Variants in EFCAB11 observed in about 807,000 individuals in gnomAD.
EFCAB11 encodes EF-hand calcium binding domain 11.
Under a neutral mutation model 23.0 loss-of-function variants are expected in EFCAB11, and 14 were observed. The ratio of observed to expected loss-of-function variants is 0.61; its 90% CI spans 0.40 to 0.95. EFCAB11 has a LOEUF of 0.95. EFCAB11 is among the 40% of genes least tolerant of loss of function. The pLI, the probability that EFCAB11 is intolerant of heterozygous loss-of-function variation, is 0.00. For synonymous variants in EFCAB11, 65 were observed against 66.6 expected (o/e 0.98, Z 0.11); for missense variants, 198 against 195.8 (o/e 1.01, Z -0.07).
rs1022878643 is a variant in EFCAB11, at chr14:89,801,577, A to G, written c.411-4253T>C. Among the ~76,000 whole-genome samples, 4 of 152,238 alleles carry G rather than the reference A, an allele frequency of 2.6e-5. No individual in the cohort carries two copies. In the East Asian group the frequency reaches 7.7e-4, roughly 29 times the overall value. On this transcript the variant is annotated intron_variant, in intron 5 of 5. Transcript: ENST00000316738. ...GGCAATACTCTATGGACTTCAAAGT[A>G]CAGGAAGACCTCAGATGACACAGGA... is the stretch of plus-strand genomic sequence containing the variant.
intron 5 of EFCAB11, among the ~76,000 whole-genome samples, chr14:89,892,768 G>T (rs1889016477): frequency 6.6e-6 from 1 of 152,076 alleles, no homozygotes; most frequent in South Asian, 2.1e-4. Context: ...CAGGCGTGGT[G>T]GTGCATGCCT....
At chr14:89,839,793 G>T in intron 5 of EFCAB11, among the ~76,000 whole-genome samples, 1 of 149,910 alleles carries the variant, frequency 6.7e-6, no homozygotes, top group South Asian at 2.2e-4. Context: ...GGAGCAGGGG[G>T]AAGAGAGAGG....
intron 5 of EFCAB11, among the ~76,000 whole-genome samples, chr14:89,821,301 C>T (rs1263877348): frequency 2.6e-5 from 4 of 152,256 alleles, no homozygotes; most frequent in East Asian, 1.9e-4. Context: ...CTCAAGACTG[C>T]GGTAACAACT....
chr14:89,866,934 C>G (rs1320331522), intron 5 of EFCAB11, among the ~76,000 whole-genome samples: 2 of 152,192 alleles, frequency 1.3e-5, no homozygotes, highest in African/African-American at 4.8e-5. Flanking sequence ...CCAAACCCAG[C>G]TAATTTTTGT....
Position 89,797,190 on chromosome 14 carries a change from T to C in EFCAB11, c.*53A>G. The C allele has an allele frequency of 6.7e-7, 1 of 1,501,248 alleles. No homozygotes were observed. Among genetic ancestry groups the C allele is most frequent in the Non-Finnish European group, 9.2e-7 (1 of 1,086,034 alleles). The allele number at this position is 1,501,248 out of a possible 1,614,324, so 93.0% of individuals were successfully genotyped here. ...ACATCATTAGTAGAGTCGAGTCTGC[T>C]GACATTACAATCTATTGATCTCCCC... On this transcript the variant is annotated 3_prime_UTR_variant, in exon 6 of 6. Coordinates refer to ENST00000316738, the MANE Select transcript of EFCAB11 (RefSeq NM_145231.4).
At chr14:89,909,711 C>G (rs958778480) in intron 5 of EFCAB11, among the ~76,000 whole-genome samples, 2 of 152,192 alleles carry the variant, frequency 1.3e-5, no homozygotes, top group Non-Finnish European at 2.9e-5. Context: ...TCTCTCCAGT[C>G]TCATCACTCT....
At position 89,898,222 on chromosome 14, in the gene EFCAB11, G is replaced by A. The variant is rs186173220; in HGVS notation, c.410+33319C>T. Among the ~76,000 whole-genome samples the A allele has an allele frequency of 2.1e-3, 319 of 152,156 alleles. 1 individual carries two copies. Among genetic ancestry groups the A allele is most frequent in the African/African-American group, 7.3e-3 (302 of 41,494 alleles). On this transcript the variant is annotated intron_variant, in intron 5 of 5. Coordinates refer to ENST00000316738, the MANE Select transcript of EFCAB11 (RefSeq NM_145231.4). Reference sequence around the variant, plus strand: ...GGCCTTGCATGGGTCATTTATCCTCGCATGTGTAAAATAAGAGACTGTACC... The same window carrying A: ...GGCCTTGCATGGGTCATTTATCCTCACATGTGTAAAATAAGAGACTGTACC...
rs1890430628 is a variant in EFCAB11 at position 89,932,599 on chromosome 14, A to G, written c.246T>C (p.Ile82=). The G allele has an allele frequency of 2.5e-6, 4 of 1,613,814 alleles. No homozygotes were observed. Among genetic ancestry groups the G allele is most frequent in the Non-Finnish European group, 3.4e-6 (4 of 1,179,898 alleles). ...GTTGAGCTTCCTTCTTTTTCCTGAC[A>G]ATATTTAAAAACCCCTCGAGTAATA... ...SGILLEGFLN[I]VRKKKEAQRY... is the part of the protein sequence containing the mutation. The change falls in exon 4 of 6, where the codon ATT becomes ATC. Residue 82 remains isoleucine (I), a synonymous_variant. Transcript: ENST00000316738.
intron 3 of EFCAB11, among the ~76,000 whole-genome samples, chr14:89,940,215 A>C (rs1381690509): frequency 6.6e-6 from 1 of 152,230 alleles, no homozygotes; most frequent in South Asian, 2.1e-4. Flanking sequence ...AAAATAAGGT[A>C]ACCTTAATGT....
intron 5 of EFCAB11, among the ~76,000 whole-genome samples, chr14:89,808,008 A>G (rs927773919): frequency 2.0e-5 from 3 of 152,184 alleles, no homozygotes; most frequent in African/African-American, 7.2e-5. Flanking sequence ...ATAGGTTGGC[A>G]GGAAAAGAAG....
intron 5 of EFCAB11, among the ~76,000 whole-genome samples, chr14:89,918,984 T>C (rs1889937182): frequency 6.6e-6 from 1 of 150,868 alleles, no homozygotes; most frequent in Non-Finnish European, 1.5e-5. Context: ...CATTCTGGAA[T>C]GACACAGGAC....
rs538271340 is a variant in EFCAB11, at chr14:89,947,421, T to G, written c.217+2676A>C. On this transcript the variant is annotated intron_variant, in intron 3 of 5. Transcript: ENST00000316738. Reference sequence around the variant, plus strand: ...AACAAGAAGAAGCAAACAAAACATCTCTTGATCTATTGCCACTCTGGACTT... The same window carrying G: ...AACAAGAAGAAGCAAACAAAACATCGCTTGATCTATTGCCACTCTGGACTT... 1.4e-4 allele frequency among the ~76,000 whole-genome samples: 21 copies of G among 152,194 alleles called. No individual in the cohort carries two copies. The South Asian group carries it at 4.2e-3, about 30-fold the overall frequency.
At chr14:89,937,444 T>C (rs752371629) in intron 3 of EFCAB11, among the ~76,000 whole-genome samples, 30 of 152,284 alleles carry the variant, frequency 2.0e-4, no homozygotes, top group Non-Finnish European at 3.5e-4. Context: ...TGCAAGTCCA[T>C]GCATTTTTTT....
chr14:89,882,809 C>A (rs1035444539), intron 5 of EFCAB11, among the ~76,000 whole-genome samples: 1 of 152,172 alleles, frequency 6.6e-6, no homozygotes, highest in Non-Finnish European at 1.5e-5. Flanking sequence ...TCCCCTCAGA[C>A]CTCCAGCTGA....
intron 5 of EFCAB11, chr14:89,836,618 T>A: frequency 2.2e-6 from 1 of 456,674 alleles, no homozygotes; most frequent in South Asian, 1.5e-5. Context: ...AATTGATGAA[T>A]CCCAAATAAA....
chr14:89,837,042 G>A (rs1269256537), intron 5 of EFCAB11: 1 of 456,312 alleles, frequency 2.2e-6, no homozygotes, highest in Non-Finnish European at 4.4e-6. Context: ...ACAGGTGAGG[G>A]GTGTGCCTGA....
intron 5 of EFCAB11, among the ~76,000 whole-genome samples, chr14:89,868,165 G>A (rs899748843): frequency 7.2e-5 from 11 of 152,158 alleles, no homozygotes; most frequent in Admixed American, 6.5e-4. Flanking sequence ...CCCACAATAG[G>A]CATGCAATAA....
At chr14:89,811,649 A>T (rs905505506) in intron 5 of EFCAB11, among the ~76,000 whole-genome samples, 2 of 152,152 alleles carry the variant, frequency 1.3e-5, no homozygotes, top group Non-Finnish European at 2.9e-5. Context: ...GATGGAGAAA[A>T]AGCCATGAAC....
At chr14:89,887,252 G>A (rs1254721732) in intron 5 of EFCAB11, among the ~76,000 whole-genome samples, 1 of 152,208 alleles carries the variant, frequency 6.6e-6, no homozygotes, top group Non-Finnish European at 1.5e-5. Flanking sequence ...CTGGGGATGG[G>A]AGATGGAGTG....
Sources: allele counts gnomAD v4.1 joint callset (sites outside exome capture counted in the v4.1 genomes callset), GRCh38; gene constraint gnomAD v4.1.1; transcripts MANE v1.5; gene names NCBI Gene and HGNC (gene_info 2026-07-23, HGNC 2026-07-21).